Variants in NEK5 observed in about 807,000 individuals in gnomAD.
NEK5 encodes NIMA related kinase 5, also known as serine/threonine-protein kinase Nek5.
A neutral mutation model predicts 109.2 loss-of-function variants in NEK5; 88 were observed. The observed-to-expected ratio is 0.81, with a 90% CI of 0.68 to 0.96. The LOEUF is 0.96. NEK5 is among the 40% of genes least tolerant of loss of function. The probability of loss-of-function intolerance (pLI) is 0.00; values close to 1 mark genes in which losing one functional copy is unlikely to be tolerated. For synonymous variants in NEK5, 283 were observed against 299.9 expected, an observed-to-expected ratio of 0.94 and a Z score of 0.58; for missense variants, 834 against 920.7, an observed-to-expected ratio of 0.91 and a Z score of 1.22.
At chr13:52,039,235 C>T (rs531170594) in intron 23 of NEK5, among the ~76,000 whole-genome samples, 3 of 152,292 alleles carry the variant, frequency 2.0e-5, no homozygotes, top group African/African-American at 7.2e-5. Context: ...GGCACAGTCA[C>T]ACGATGAGTG....
chr13:52,107,650 C>G (rs945271641), intron 8 of NEK5, among the ~76,000 whole-genome samples: 1 of 151,426 alleles, frequency 6.6e-6, no homozygotes, highest in African/African-American at 2.4e-5. Flanking sequence ...GTAACAAAAG[C>G]CCACCAAGAG....
chr13:52,052,150 A>G (rs1323256924), intron 22 of NEK5, among the ~76,000 whole-genome samples: 1 of 140,648 alleles, frequency 7.1e-6, no homozygotes, highest in Non-Finnish European at 1.5e-5. Flanking sequence ...AAACCAAGGT[A>G]CAATTTACAC....
intron 4 of NEK5, among the ~76,000 whole-genome samples, chr13:52,115,655 T>C (rs1955843720): frequency 6.8e-6 from 1 of 146,164 alleles, no homozygotes; most frequent in African/African-American, 2.5e-5. Context: ...ATTAGCATTA[T>C]CTGACTGTAA....
At chr13:52,052,854 CT>C (rs200922878) in intron 22 of NEK5, among the ~76,000 whole-genome samples, 7 of 151,432 alleles carry the variant, frequency 4.6e-5, no homozygotes, top group South Asian at 2.1e-4. Flanking sequence ...TTGACTGTGC[CT>C]TTTTTTTTCC....
In NEK5 at chr13:52,050,183, C is replaced by T. The variant is rs1031362372; in HGVS notation, c.2149G>A (p.Asp717Asn). Residue 717 changes from aspartate to asparagine, a missense_variant, in exon 23 of 24, where the codon GAT becomes AAT. By Grantham distance (23) the Asp-to-Asn change is conservative. Transcript: ENST00000684899. ...TLKQWLPKEE[D>N]EGKVEMVSGI... ...GAGACCATTTCTACCTTCCCTTCAT[C>T]TTCTTCTTTGGGTAGCCATTGTTTT... 2 of 985,506 alleles carry T rather than the reference C, an allele frequency of 2.0e-6. No homozygotes were observed. Among genetic ancestry groups the T allele is most frequent in the African/African-American group, 3.5e-5 (2 of 57,248 alleles). The allele number at this position is 985,506 out of a possible 1,614,324, so 61.0% of individuals were successfully genotyped here. A position where few individuals can be genotyped will look rare whatever the true frequency, so the allele number is the denominator to read the frequency against.
intron 22 of NEK5, among the ~76,000 whole-genome samples, chr13:52,060,440 C>T (rs905045154): frequency 2.6e-5 from 4 of 152,070 alleles, no homozygotes; most frequent in African/African-American, 9.7e-5. Context: ...CTGCAACCTC[C>T]GCCACCCGGG....
chr13:52,118,252 CTAAT>C (rs1345842789), intron 4 of NEK5, among the ~76,000 whole-genome samples: 1 of 152,198 alleles, frequency 6.6e-6, no homozygotes, highest in Non-Finnish European at 1.5e-5. Context: ...GCTCCATGAA[CTAAT>C]TATCAGTCTT....
At chr13:52,088,974 C>T (rs1190802456) in intron 14 of NEK5, among the ~76,000 whole-genome samples, 1 of 151,816 alleles carries the variant, frequency 6.6e-6, no homozygotes. Context: ...GCCTGTAATC[C>T]CAGCTACTCA....
chr13:52,120,603 A>C (rs1349988689), intron 3 of NEK5, among the ~76,000 whole-genome samples: 1 of 152,188 alleles, frequency 6.6e-6, no homozygotes, highest in African/African-American at 2.4e-5. Flanking sequence ...GCAGTAATCA[A>C]AGGAATAAAA....
At chr13:52,079,591 T>A (rs1954936898) in intron 17 of NEK5, among the ~76,000 whole-genome samples, 1 of 152,292 alleles carries the variant, frequency 6.6e-6, no homozygotes, top group Admixed American at 6.5e-5. Flanking sequence ...CGGAGTCTGG[T>A]TCACTCAGTG....
chr13:52,068,723 C>T (rs554262586), intron 20 of NEK5, among the ~76,000 whole-genome samples: 53 of 152,306 alleles, frequency 3.5e-4, no homozygotes, highest in African/African-American at 1.1e-3. Flanking sequence ...AATCCCAGCA[C>T]TTTGGGAGGC....
At chr13:52,077,036 T>C (rs1434921744) in intron 17 of NEK5, among the ~76,000 whole-genome samples, 3 of 152,204 alleles carry the variant, frequency 2.0e-5, no homozygotes, top group Admixed American at 1.3e-4. Flanking sequence ...GTGAGAGTAA[T>C]ACAGGCAAAG....
chr13:52,100,017 G>A, intron 11 of NEK5, 141 bp from the exon 12 acceptor site: 1 of 563,630 alleles, frequency 1.8e-6, no homozygotes, highest in Non-Finnish European at 2.9e-6. Context: ...TACACACAGT[G>A]AGAGTACTGA....
chr13:52,034,747 A>G lies in NEK5; in HGVS notation c.*2201T>C, dbSNP rs1187238179. 9.1e-6 allele frequency: 1 copy of G among 109,894 alleles called. No individual in the cohort carries two copies. Among genetic ancestry groups the G allele is most frequent in the Non-Finnish European group, 1.8e-5 (1 of 55,324 alleles). 6.8% of individuals were successfully genotyped at this position (109,894 alleles called of 1,614,324 possible). On this transcript the variant is annotated 3_prime_UTR_variant, in exon 24 of 24. Transcript: ENST00000684899. ...GGTGGATAGAGATGGGTGTTTCCCTATGTTGCCCAGGCTGGTCTCAAACTC... is the reference window on the plus strand; with the variant it reads ...GGTGGATAGAGATGGGTGTTTCCCTGTGTTGCCCAGGCTGGTCTCAAACTC...
intron 3 of NEK5, among the ~76,000 whole-genome samples, chr13:52,126,222 A>G (rs1329315726): frequency 6.6e-6 from 1 of 152,198 alleles, no homozygotes; most frequent in African/African-American, 2.4e-5. Context: ...TGAAATGAAC[A>G]TATCACTAAA....
intron 23 of NEK5, among the ~76,000 whole-genome samples, chr13:52,046,494 A>AAAG (rs1555307636): frequency 5.3e-5 from 8 of 150,862 alleles, no homozygotes; most frequent in East Asian, 1.9e-4. Context: ...AAAAAAAAAA[A>AAAG]AAGAAGAAGA....
At chr13:52,076,623 C>T (rs1175273953) in intron 17 of NEK5, among the ~76,000 whole-genome samples, 1 of 152,152 alleles carries the variant, frequency 6.6e-6, no homozygotes, top group East Asian at 1.9e-4. Context: ...TTCTTAGCAT[C>T]CTATCTTGGG....
At chr13:52,085,790 G>A (rs1165664584) in intron 16 of NEK5, among the ~76,000 whole-genome samples, 7 of 152,172 alleles carry the variant, frequency 4.6e-5, no homozygotes, top group Admixed American at 1.3e-4. Flanking sequence ...CCAATGTGGC[G>A]CCTTTAAGAG....
At chr13:52,083,396 G>C in intron 16 of NEK5, 44 bp from the exon 17 acceptor site, 1 of 1,214,868 alleles carries the variant, frequency 8.2e-7, no homozygotes, top group Non-Finnish European at 1.2e-6. Flanking sequence ...GGTTCTGAGT[G>C]AGCTCTGAAG....
Sources: gnomAD v4.1 joint callset for allele counts (sites outside exome capture counted in the v4.1 genomes callset) on GRCh38, gnomAD v4.1.1 for gene constraint, MANE v1.5 for transcripts, NCBI Gene and HGNC (gene_info 2026-07-23, HGNC 2026-07-21) for gene names.